Variants in FBXL20 observed in about 807,000 individuals in gnomAD.
FBXL20 encodes F-box/LRR-repeat protein 20.
A neutral mutation model predicts 64.0 loss-of-function variants in FBXL20; 11 were observed. That is an observed-to-expected ratio of 0.17 (90% CI 0.11 to 0.28). The LOEUF (loss-of-function observed/expected upper bound fraction) is 0.28, where lower values mean the gene tolerates loss of function less well. FBXL20 is among the 10% of genes least tolerant of loss of function. The pLI is 1.00. For synonymous variants in FBXL20, 184 were observed against 189.0 expected, an observed-to-expected ratio of 0.97 and a Z score of 0.22; for missense variants, 303 against 526.2, an observed-to-expected ratio of 0.58 and a Z score of 4.15.
chr17:39,364,544 A>G (rs2047839553), intron 1 of FBXL20, among the ~76,000 whole-genome samples: 1 of 152,180 alleles, frequency 6.6e-6, no homozygotes. Context: ...GGGAAGGCAG[A>G]GGTTACAGTG....
chr17:39,340,505 T>C (rs1037910048), intron 2 of FBXL20, among the ~76,000 whole-genome samples: 1 of 152,196 alleles, frequency 6.6e-6, no homozygotes, highest in Non-Finnish European at 1.5e-5. Context: ...GCTAGGATTA[T>C]AGGTGTGAGC....
intron 1 of FBXL20, among the ~76,000 whole-genome samples, chr17:39,344,146 G>A (rs1213012071): frequency 6.6e-6 from 1 of 152,140 alleles, no homozygotes; most frequent in Non-Finnish European, 1.5e-5. Flanking sequence ...GCAGGCATGA[G>A]CCACCATACC....
intron 1 of FBXL20, among the ~76,000 whole-genome samples, chr17:39,344,404 T>A (rs1329486447): frequency 6.6e-6 from 1 of 151,996 alleles, no homozygotes; most frequent in Non-Finnish European, 1.5e-5. Context: ...GGAGTGACTA[T>A]TTTAATATGC....
At chr17:39,383,366 A>T (rs1206984091) in intron 1 of FBXL20, among the ~76,000 whole-genome samples, 2 of 152,074 alleles carry the variant, frequency 1.3e-5, no homozygotes, top group South Asian at 4.1e-4. Context: ...CATGCCTATA[A>T]TCTTAACATT....
intron 1 of FBXL20, among the ~76,000 whole-genome samples, chr17:39,347,782 T>C (rs768081000): frequency 2.0e-5 from 3 of 152,152 alleles, no homozygotes; most frequent in African/African-American, 4.8e-5. Context: ...ATGTTCTGAA[T>C]GGTATTGCTT....
chr17:39,304,150 G>A (rs879675335), intron 2 of FBXL20, among the ~76,000 whole-genome samples: 7 of 151,914 alleles, frequency 4.6e-5, no homozygotes, highest in Non-Finnish European at 8.8e-5. Flanking sequence ...ACTTGATAAT[G>A]TACATACAGA....
chr17:39,280,852 C>A (rs1484699962), intron 9 of FBXL20, among the ~76,000 whole-genome samples: 1 of 152,156 alleles, frequency 6.6e-6, no homozygotes, highest in Non-Finnish European at 1.5e-5. Context: ...GCACCTCAAG[C>A]TCCCAAGCTC....
intron 9 of FBXL20, among the ~76,000 whole-genome samples, chr17:39,279,647 G>T (rs1366922790): frequency 6.6e-6 from 1 of 152,200 alleles, no homozygotes; most frequent in Non-Finnish European, 1.5e-5. Flanking sequence ...TGTATTCCCA[G>T]CACTTTGGGA....
At chr17:39,343,094 G>A in intron 2 of FBXL20, 86 bp downstream of exon 2, 1 of 949,558 alleles carries the variant, frequency 1.1e-6, no homozygotes, top group East Asian at 2.6e-5. Flanking sequence ...ATACATATAT[G>A]AAAATTAGCA....
intron 2 of FBXL20, among the ~76,000 whole-genome samples, chr17:39,330,079 G>A (rs1025731815): frequency 6.6e-6 from 1 of 152,000 alleles, no homozygotes; most frequent in African/African-American, 2.4e-5. Context: ...GATCACCTGA[G>A]GTCAGGAGTT....
At chr17:39,299,992 G>A (rs984475180) in intron 4 of FBXL20, among the ~76,000 whole-genome samples, 3 of 151,996 alleles carry the variant, frequency 2.0e-5, no homozygotes, top group South Asian at 2.1e-4. Flanking sequence ...AGCTACTTGG[G>A]AGGCTGAGGC....
intron 6 of FBXL20, among the ~76,000 whole-genome samples, chr17:39,286,284 G>C (rs1055574336): frequency 2.6e-5 from 4 of 152,020 alleles, no homozygotes; most frequent in Non-Finnish European, 5.9e-5. Context: ...TTGCAATCTA[G>C]GCCCACTGCA....
intron 2 of FBXL20, among the ~76,000 whole-genome samples, chr17:39,324,526 G>A (rs2047391922): frequency 2.0e-5 from 3 of 151,892 alleles, no homozygotes; most frequent in Admixed American, 6.6e-5. Context: ...CTGACCTTAC[G>A]TGATCTGCCC....
At chr17:39,288,958 C>T (rs1356665003) in intron 6 of FBXL20, among the ~76,000 whole-genome samples, 1 of 152,324 alleles carries the variant, frequency 6.6e-6, no homozygotes, top group East Asian at 1.9e-4. Flanking sequence ...CCACCTCGGC[C>T]TCCCAAAGTG....
chr17:39,396,854 G>A (rs1343925635), intron 1 of FBXL20, among the ~76,000 whole-genome samples: 2 of 151,796 alleles, frequency 1.3e-5, no homozygotes, highest in Non-Finnish European at 2.9e-5. Flanking sequence ...CTACTCGGGA[G>A]GCTGCGGCAG....
chr17:39,350,305 C>T (rs1048384937), intron 1 of FBXL20, among the ~76,000 whole-genome samples: 9 of 152,090 alleles, frequency 5.9e-5, no homozygotes, highest in Admixed American at 1.3e-4. Flanking sequence ...AGCTGACCAA[C>T]ATGGAGAAAC....
chr17:39,373,632 A>T (rs2047938734), intron 1 of FBXL20, among the ~76,000 whole-genome samples: 1 of 152,176 alleles, frequency 6.6e-6, no homozygotes, highest in Non-Finnish European at 1.5e-5. Flanking sequence ...CTAGGTAGGC[A>T]TGTTCTTTTA....
chr17:39,337,564 T>A (rs1052751612), intron 2 of FBXL20, among the ~76,000 whole-genome samples: 2 of 147,828 alleles, frequency 1.4e-5, no homozygotes, highest in African/African-American at 2.5e-5. Context: ...CGCCGCCCCG[T>A]CTGGGATGTG....
At chr17:39,332,368 T>A (rs2047469466) in intron 2 of FBXL20, among the ~76,000 whole-genome samples, 1 of 152,108 alleles carries the variant, frequency 6.6e-6, no homozygotes, top group African/African-American at 2.4e-5. Context: ...CATTCACTGA[T>A]GAACTTCTCT....
Sources: allele counts gnomAD v4.1 joint callset (sites outside exome capture counted in the v4.1 genomes callset), GRCh38; gene constraint gnomAD v4.1.1; transcripts MANE v1.5; gene names NCBI Gene and HGNC (gene_info 2026-07-23, HGNC 2026-07-21).